ARHGEF18: variants seen among roughly 807,000 people sequenced by gnomAD.
The protein encoded by ARHGEF18 is Rho/Rac guanine nucleotide exchange factor 18.
ARHGEF18 carries 93 observed loss-of-function variants against 155.7 expected under a neutral mutation model. That is an observed-to-expected ratio of 0.60 (90% CI 0.50 to 0.71). The LOEUF (loss-of-function observed/expected upper bound fraction) is 0.71. ARHGEF18 is among the 30% of genes least tolerant of loss of function. The pLI is 0.00. For synonymous variants in ARHGEF18, 742 were observed against 753.1 expected (o/e 0.99, Z 0.24); for missense variants, 1,593 against 1,816.1 (o/e 0.88, Z 2.23).
rs766651976 is a variant in ARHGEF18 at position 7,375,844 on chromosome 19, G to A, written c.400G>A (p.Gly134Arg). 5.3e-5 allele frequency: 66 copies of A among 1,234,332 alleles called. No individual in the cohort carries two copies. Among genetic ancestry groups the A allele is most frequent in the Non-Finnish European group, 5.6e-5 (55 of 988,258 alleles). 76.5% of individuals were successfully genotyped at this position (1,234,332 alleles called of 1,614,324 possible). A position where few individuals can be genotyped will look rare whatever the true frequency, so the allele number is the denominator to read the frequency against. Residue 134 changes from glycine (G) to arginine (R), a missense_variant, in exon 4 of 29, where the codon GGG becomes AGG. Physicochemically the swap from Gly to Arg is moderately radical, Grantham distance 125 (BLOSUM62 -2). Coordinates refer to ENST00000668164, the MANE Select transcript of ARHGEF18 (RefSeq NM_001367823.1). ...GACTCAAGGGTGTCTCTCTGGGGGC[G>A]GGACCCCCGCAGAGAGCCCAGGCAA... is the stretch of plus-strand genomic sequence containing the variant. ...TWTQGCLSGG[G>R]TPAESPGKEC...
At chr19:7,408,943 C>T (rs1336390230) in intron 10 of ARHGEF18, among the ~76,000 whole-genome samples, 3 of 152,036 alleles carry the variant, frequency 2.0e-5, no homozygotes, top group African/African-American at 7.2e-5. Context: ...ACCTATAGTC[C>T]CAGCTACTTG....
At chr19:7,380,002 A>T (rs1314711674) in intron 7 of ARHGEF18, among the ~76,000 whole-genome samples, 1 of 119,976 alleles carries the variant, frequency 8.3e-6, no homozygotes, top group Non-Finnish European at 1.6e-5. Flanking sequence ...CTGTCTGTAT[A>T]ATTTTTTTTT....
chr19:7,363,319 G>A (rs1195730036), intron 2 of ARHGEF18, among the ~76,000 whole-genome samples: 1 of 152,012 alleles, frequency 6.6e-6, no homozygotes, highest in African/African-American at 2.4e-5. Context: ...GGGTAGAAGT[G>A]TGGGTGAATG....
chr19:7,444,204 A>G lies in ARHGEF18; in HGVS notation c.1361A>G (p.Glu454Gly), dbSNP rs1437051629. The G allele has an allele frequency of 6.2e-7, 1 of 1,612,442 alleles. No homozygotes were observed. Among genetic ancestry groups the G allele is most frequent in the South Asian group, 1.1e-5 (1 of 91,068 alleles). The change falls in exon 14 of 29, where the codon GAG becomes GGG. Residue 454 changes from glutamate (E) to glycine (G), a missense_variant and splice_region_variant. Glu to Gly is a moderately conservative substitution (Grantham distance 98, BLOSUM62 -2). Coordinates refer to ENST00000668164, the MANE Select transcript of ARHGEF18 (RefSeq NM_001367823.1). The surrounding 1 kb of genome is among the most constrained non-coding windows in gnomAD (Gnocchi z 4.7). ...EVVKRQDVLY[E>G]LMQTEVHHVR... ...AGTCCTGCCGTCTGTGTCCCTGCAG[A>G]GCTGATGCAGACAGAGGTGCACCAC...
In ARHGEF18 at chr19:7,463,234, C is replaced by T. The variant is rs927216834; in HGVS notation, c.2636-584C>T. Among the ~76,000 whole-genome samples the T allele has an allele frequency of 6.6e-6, 1 of 152,194 alleles. No homozygotes were observed. On this transcript the variant is annotated intron_variant, in intron 21 of 28. Coordinates refer to ENST00000668164, the MANE Select transcript of ARHGEF18 (RefSeq NM_001367823.1). The surrounding 1 kb of genome is among the most constrained non-coding windows in gnomAD (Gnocchi z 5.2). The stretch of plus-strand genomic sequence containing the variant: ...CAGAGACGGGGGTCAGTCTTTCTCC[C>T]TCCAGGCCCACTGACATCCTTCCAC...
At chr19:7,436,592 G>T (rs1974269496) in intron 10 of ARHGEF18, among the ~76,000 whole-genome samples, 1 of 152,012 alleles carries the variant, frequency 6.6e-6, no homozygotes, top group Admixed American at 6.6e-5. Flanking sequence ...GCTATTTTTA[G>T]TGACTTTTTC....
At chr19:7,425,944 G>A (rs1973637328) in intron 10 of ARHGEF18, among the ~76,000 whole-genome samples, 2 of 152,068 alleles carry the variant, frequency 1.3e-5, no homozygotes, top group African/African-American at 4.8e-5. Context: ...AGGCTACAGT[G>A]ACCTATGAAT....
intron 10 of ARHGEF18, 94 bp downstream of exon 10, chr19:7,383,297 G>A (rs925450758): frequency 2.5e-6 from 3 of 1,213,878 alleles, no homozygotes; most frequent in Non-Finnish European, 2.1e-6. Context: ...CTTTTGATGT[G>A]TGCATCCTCG....
chr19:7,464,433 G>T, intron 22 of ARHGEF18, 127 bp from the exon 23 acceptor site: 1 of 1,175,600 alleles, frequency 8.5e-7, no homozygotes, highest in East Asian at 2.4e-5. Context: ...AGGCGTCTGT[G>T]CTGCAGACGC....
At position 7,389,467 on chromosome 19, in the gene ARHGEF18, TCTTC is replaced by T. The variant is rs763209593; in HGVS notation, c.967+6281_967+6284del. ...GAGCCACTGCATCCACCCTACATTTTCTTCCTTCCTTCCTTCCTTCTTCCTTCCT... is the reference window on the plus strand; with the variant it reads ...GAGCCACTGCATCCACCCTACATTTTCTTCCTTCCTTCCTTCTTCCTTCCT... On this transcript the variant is annotated intron_variant, in intron 10 of 28. Coordinates refer to ENST00000668164, the MANE Select transcript of ARHGEF18 (RefSeq NM_001367823.1). 6.1e-3 allele frequency among the ~76,000 whole-genome samples: 910 copies of T among 148,218 alleles called. 7 individuals are homozygous for T. Among genetic ancestry groups the T allele is most frequent in the Non-Finnish European group, 9.9e-3 (665 of 67,230 alleles).
chr19:7,390,947 G>A (rs1030367524), intron 10 of ARHGEF18, among the ~76,000 whole-genome samples: 2 of 152,100 alleles, frequency 1.3e-5, no homozygotes, highest in Admixed American at 6.6e-5. Flanking sequence ...GACTGAGGCA[G>A]GAGAATCACT....
At chr19:7,388,566 C>T (rs1193009214) in intron 10 of ARHGEF18, among the ~76,000 whole-genome samples, 1 of 151,856 alleles carries the variant, frequency 6.6e-6, no homozygotes, top group African/African-American at 2.4e-5. Context: ...GCATATGATG[C>T]CCTTTTATTT....
chr19:7,412,599 G>A (rs912048057), intron 10 of ARHGEF18, among the ~76,000 whole-genome samples: 5 of 151,710 alleles, frequency 3.3e-5, no homozygotes, highest in African/African-American at 9.7e-5. Context: ...TAAAGTAGCC[G>A]GGCGTGGTGG....
chr19:7,385,014 A>G (rs140590264), intron 10 of ARHGEF18, among the ~76,000 whole-genome samples: 1 of 152,290 alleles, frequency 6.6e-6, no homozygotes, highest in African/African-American at 2.4e-5. Flanking sequence ...TCTTCAGTGC[A>G]CCAACAAAGT....
At chr19:7,433,976 A>G (rs1968257) in intron 10 of ARHGEF18, among the ~76,000 whole-genome samples, 55,384 of 147,904 alleles carry the variant, frequency 0.37, 11,003 homozygotes, top group East Asian at 0.59. Context: ...CTGACATCAC[A>G]CCACTGCACT....
At chr19:7,423,229 A>G (rs1027604116) in intron 10 of ARHGEF18, among the ~76,000 whole-genome samples, 1 of 151,998 alleles carries the variant, frequency 6.6e-6, no homozygotes, top group Non-Finnish European at 1.5e-5. Context: ...TGTCCCATCT[A>G]TCTTCAGTTA....
intron 5 of ARHGEF18, among the ~76,000 whole-genome samples, chr19:7,377,231 C>T (rs752055279): frequency 8.5e-5 from 13 of 152,088 alleles, no homozygotes; most frequent in Non-Finnish European, 1.6e-4. Context: ...CTACCATGCC[C>T]GGCTAATTTT....
In ARHGEF18 at chr19:7,453,549, T is replaced by C; in HGVS notation, c.1938T>C (p.Ser646=). The C allele has an allele frequency of 2.5e-6, 4 of 1,614,050 alleles. No homozygotes were observed. The highest frequency in any genetic ancestry group is 3.4e-6 in the Non-Finnish European group (4 of 1,179,974). Residue 646 remains serine, a synonymous_variant, in exon 17 of 29, where the codon AGT becomes AGC. Transcript: ENST00000668164. The part of the protein sequence containing the change: ...DIISQVDAKV[S]ECEKGQRLRE... ...TCTCACAAGTGGACGCCAAGGTCAG[T>C]GAGTGTGAGAAGGGCCAGCGCCTCA...
intron 20 of ARHGEF18, among the ~76,000 whole-genome samples, chr19:7,460,341 C>T (rs1046170426): frequency 4.6e-5 from 7 of 152,134 alleles, no homozygotes; most frequent in Non-Finnish European, 8.8e-5. Flanking sequence ...AGGAATAGCA[C>T]AGGGTCCCCA....
Sources: gnomAD v4.1 joint callset for allele counts (sites outside exome capture counted in the v4.1 genomes callset) on GRCh38, gnomAD v4.1.1 for gene constraint, Gnocchi (gnomAD v3.1) non-coding constraint, MANE v1.5 for transcripts, NCBI Gene and HGNC (gene_info 2026-07-23, HGNC 2026-07-21) for gene names.